CYP20A1: variants seen among roughly 807,000 people sequenced by gnomAD.
The protein encoded by CYP20A1 is cytochrome P450 family 20 subfamily A member 1.
Under a neutral mutation model 61.4 loss-of-function variants are expected in CYP20A1, and 61 were observed. The ratio of observed to expected loss-of-function variants is 0.99; its 90% CI spans 0.81 to 1.23. The LOEUF is 1.23. Ranked by LOEUF, CYP20A1 falls within the 50% of genes most tolerant of loss-of-function variation. The pLI, the probability that CYP20A1 is intolerant of heterozygous loss-of-function variation, is 0.00. For missense variants in CYP20A1, 530 were observed against 542.4 expected, an observed-to-expected ratio of 0.98 and a Z score of 0.23; for synonymous variants, 193 against 188.2, an observed-to-expected ratio of 1.03 and a Z score of -0.21.
chr2:203,266,364 G>A (rs2067323242), intron 4 of CYP20A1, 150 bp from the exon 5 acceptor site: 7 of 639,306 alleles, frequency 1.1e-5, no homozygotes, highest in Non-Finnish European at 1.6e-5. Context: ...ATTATAGGTG[G>A]AGCTAGTGTT....
chr2:203,271,754 G>T (rs2067609318), intron 5 of CYP20A1, among the ~76,000 whole-genome samples: 1 of 152,110 alleles, frequency 6.6e-6, no homozygotes, highest in South Asian at 2.1e-4. Flanking sequence ...CAAAAATGAG[G>T]GCTGGGCGCA....
chr2:203,261,756 T>C (rs1437122259), intron 4 of CYP20A1, among the ~76,000 whole-genome samples: 1 of 150,720 alleles, frequency 6.6e-6, no homozygotes, highest in African/African-American at 2.4e-5. Flanking sequence ...GGCAGAGGGG[T>C]TGCTATGGTG....
Position 203,299,872 on chromosome 2 carries a change from C to T in CYP20A1, c.*2964C>T, listed in dbSNP as rs958379216. ...CTGGGCAACAAGAGTGAAACTCCGTCTCAAAAAAAAAAGAAAAATTCTAAA... is the reference window on the plus strand; with the variant it reads ...CTGGGCAACAAGAGTGAAACTCCGTTTCAAAAAAAAAAGAAAAATTCTAAA... On this transcript the variant is annotated 3_prime_UTR_variant, in exon 13 of 13. Coordinates refer to ENST00000356079, the MANE Select transcript of CYP20A1 (RefSeq NM_177538.3). Among the ~76,000 whole-genome samples the T allele has an allele frequency of 1.3e-5, 2 of 151,308 alleles. No homozygotes were observed. Among genetic ancestry groups the T allele is most frequent in the African/African-American group, 4.9e-5 (2 of 41,200 alleles).
intron 9 of CYP20A1, among the ~76,000 whole-genome samples, chr2:203,288,061 CTTTTTT>C (rs869173270): frequency 2.0e-4 from 14 of 70,460 alleles, no homozygotes; most frequent in South Asian, 5.5e-4. Flanking sequence ...TTCTCTCTCT[CTTTTTT>C]TTTTTTTTTT....
chr2:203,301,821 T>C lies in CYP20A1; in HGVS notation c.*4913T>C, dbSNP rs1318099881. The stretch of plus-strand genomic sequence containing the variant: ...TTACTGCTTTATTATGAAATAATAA[T>C]GTTTATTGTAGAAAAATCTAGGAAA... On this transcript the variant is annotated 3_prime_UTR_variant, in exon 13 of 13. Transcript: ENST00000356079. 6.6e-6 allele frequency among the ~76,000 whole-genome samples: 1 copy of C among 152,088 alleles called. No individual in the cohort carries two copies. Among genetic ancestry groups the C allele is most frequent in the African/African-American group, 2.4e-5 (1 of 41,432 alleles).
chr2:203,304,323 G>A lies in CYP20A1; in HGVS notation c.*7415G>A, dbSNP rs933995504. On this transcript the variant is annotated 3_prime_UTR_variant, in exon 13 of 13. Transcript: ENST00000356079. Reference sequence around the variant, plus strand: ...AGCGATTCTCCTGCCTCAGCCTCCCGAGTAGCTGCGACTACAGGCGAGTGC... The same window carrying A: ...AGCGATTCTCCTGCCTCAGCCTCCCAAGTAGCTGCGACTACAGGCGAGTGC... Among the ~76,000 whole-genome samples the A allele has an allele frequency of 2.6e-5, 4 of 152,070 alleles. No homozygotes were observed. The highest frequency in any genetic ancestry group is 5.9e-5 in the Non-Finnish European group (4 of 68,004).
Position 203,296,960 on chromosome 2 carries a change from T to A in CYP20A1, c.*52T>A, listed in dbSNP as rs1575287084. 6.4e-6 allele frequency: 7 copies of A among 1,099,270 alleles called. No homozygotes were observed. Among genetic ancestry groups the A allele is most frequent in the Middle Eastern group, 2.1e-4 (1 of 4,790 alleles). The allele number at this position is 1,099,270 out of a possible 1,614,324, so 68.1% of individuals were successfully genotyped here. A position where few individuals can be genotyped will look rare whatever the true frequency, so the allele number is the denominator to read the frequency against. ...AAATTGATTGAGGAAAACAACCATT[T>A]AAAAAAAATCTATGTTGAATCCTTT... is the stretch of plus-strand genomic sequence containing the variant. On this transcript the variant is annotated 3_prime_UTR_variant, in exon 13 of 13. Coordinates refer to ENST00000356079, the MANE Select transcript of CYP20A1 (RefSeq NM_177538.3).
chr2:203,247,793 G>T (rs1387975256), intron 3 of CYP20A1, among the ~76,000 whole-genome samples: 1 of 152,102 alleles, frequency 6.6e-6, no homozygotes, highest in African/African-American at 2.4e-5. Context: ...GGAGGCAGAG[G>T]TTGCAGTGAG....
At chr2:203,271,082 A>ATTTTTT (rs1161241853) in intron 5 of CYP20A1, among the ~76,000 whole-genome samples, 468 of 31,628 alleles carry the variant, frequency 0.015, 76 homozygotes, top group South Asian at 0.045. Context: ...ATATATATAT[A>ATTTTTT]TTTTTTTTTT....
At chr2:203,249,865 T>A (rs2066596139) in intron 3 of CYP20A1, among the ~76,000 whole-genome samples, 1 of 152,062 alleles carries the variant, frequency 6.6e-6, no homozygotes, top group Admixed American at 6.6e-5. Flanking sequence ...AAAAATGCCC[T>A]TTTAGAAAAA....
chr2:203,272,697 C>T lies in CYP20A1; in HGVS notation c.628C>T (p.Leu210=), dbSNP rs780266574. ...TTGGTCTGAGATTGGAAAAGGCTTT[C>T]TAGATGGGTCACTTGATAAAAACAT... ...TVWSEIGKGF[L]DGSLDKNMTR... is the part of the protein sequence containing the mutation. The change falls in exon 6 of 13, where the codon CTA becomes TTA. Residue 210 remains leucine, a synonymous_variant. Transcript: ENST00000356079. The T allele has an allele frequency of 3.6e-5, 58 of 1,606,466 alleles. No individual in the cohort carries two copies. The highest frequency in any genetic ancestry group is 4.6e-5 in the Non-Finnish European group (54 of 1,177,612).
At chr2:203,288,988 T>C (rs768424163) in intron 9 of CYP20A1, among the ~76,000 whole-genome samples, 3 of 152,238 alleles carry the variant, frequency 2.0e-5, no homozygotes, top group Non-Finnish European at 4.4e-5. Flanking sequence ...CTCGTTGTGA[T>C]GTACACTTAA....
intron 4 of CYP20A1, among the ~76,000 whole-genome samples, chr2:203,264,769 G>T (rs1373741972): frequency 6.6e-6 from 1 of 151,498 alleles, no homozygotes. Context: ...TCACTCTGTC[G>T]CCCAGGCTGG....
At chr2:203,241,898 G>T (rs1371754847) in intron 1 of CYP20A1, among the ~76,000 whole-genome samples, 1 of 152,130 alleles carries the variant, frequency 6.6e-6, no homozygotes. Context: ...CTGGAGTGCA[G>T]TGGCATGATC....
intron 8 of CYP20A1, among the ~76,000 whole-genome samples, chr2:203,281,934 C>T (rs531075801): frequency 6.6e-6 from 1 of 152,010 alleles, no homozygotes; most frequent in East Asian, 1.9e-4. Flanking sequence ...CAAATGTAAA[C>T]GTCCCATAAA....
In CYP20A1 at chr2:203,303,203, C is replaced by G. The variant is rs76178337; in HGVS notation, c.*6295C>G. Among the ~76,000 whole-genome samples, 1 of 151,538 alleles carries G rather than the reference C, an allele frequency of 6.6e-6. No individual in the cohort carries two copies. Among genetic ancestry groups the G allele is most frequent in the South Asian group, 2.1e-4 (1 of 4,772 alleles). On this transcript the variant is annotated 3_prime_UTR_variant, in exon 13 of 13. Transcript: ENST00000356079. ...TTTTTTTAGTAGAGACAGGGTTTCACCATGTTGGCCAGGCTGGTCTTGAAC... is the reference window on the plus strand; with the variant it reads ...TTTTTTTAGTAGAGACAGGGTTTCAGCATGTTGGCCAGGCTGGTCTTGAAC...
intron 3 of CYP20A1, among the ~76,000 whole-genome samples, chr2:203,248,584 A>C (rs377482560): frequency 6.6e-6 from 1 of 152,198 alleles, no homozygotes; most frequent in Non-Finnish European, 1.5e-5. Flanking sequence ...CAGATGTAAA[A>C]GAGTAGAGAG....
chr2:203,298,440 T>C lies in CYP20A1; in HGVS notation c.*1532T>C, dbSNP rs1007907004. ...CGGGCTCGGTGGCTCATGCCTATAA[T>C]ACTTTGGGAGGCCGAGGCAGGTGGA... On this transcript the variant is annotated 3_prime_UTR_variant, in exon 13 of 13. Coordinates refer to ENST00000356079, the MANE Select transcript of CYP20A1 (RefSeq NM_177538.3). Among the ~76,000 whole-genome samples, 1 of 147,782 alleles carries C rather than the reference T, an allele frequency of 6.8e-6. No homozygotes were observed. Among genetic ancestry groups the C allele is most frequent in the African/African-American group, 2.5e-5 (1 of 39,790 alleles).
intron 8 of CYP20A1, among the ~76,000 whole-genome samples, chr2:203,281,029 C>T (rs958053436): frequency 2.0e-5 from 3 of 151,980 alleles, no homozygotes; most frequent in African/African-American, 7.3e-5. Flanking sequence ...ACAGAAATCA[C>T]GATTTAAAAG....
Sources: gnomAD v4.1 joint callset for allele counts (sites outside exome capture counted in the v4.1 genomes callset) on GRCh38, gnomAD v4.1.1 for gene constraint, MANE v1.5 for transcripts, NCBI Gene and HGNC (gene_info 2026-07-23, HGNC 2026-07-21) for gene names.